DMD: variants seen among roughly 807,000 people sequenced by gnomAD.
DMD encodes the protein mutant dystrophin.
DMD carries 63 observed loss-of-function variants against 330.1 expected under a neutral mutation model. The ratio of observed to expected loss-of-function variants is 0.19; its 90% CI spans 0.16 to 0.24. The LOEUF is 0.24. Among genes scored for constraint, DMD ranks in the 10% least tolerant of loss-of-function variants. The probability of loss-of-function intolerance (pLI) is 1.00; values close to 1 mark genes in which losing one functional copy is unlikely to be tolerated. For missense variants in DMD, 3,344 were observed against 2,684.1 expected, an observed-to-expected ratio of 1.25 and a Z score of -5.43; for synonymous variants, 1,223 against 959.8, an observed-to-expected ratio of 1.27 and a Z score of -5.07.
intron 26 of DMD, among the ~76,000 whole-genome samples, chrX:32,450,509 A>G (rs1479636370): frequency 9.0e-6 from 1 of 110,863 alleles, no homozygotes; most frequent in African/African-American, 3.3e-5. Context: ...AAGTTTGATT[A>G]CCATTCATCA....
At chrX:32,067,411 A>G (rs1056376649) in intron 44 of DMD, among the ~76,000 whole-genome samples, 8 of 110,627 alleles carry the variant, frequency 7.2e-5, no homozygotes, top group Admixed American at 4.8e-4. Context: ...ACCTGGATAT[A>G]TGGCGTGATG....
intron 2 of DMD, among the ~76,000 whole-genome samples, chrX:32,874,405 T>C (rs1037597200): frequency 3.6e-5 from 4 of 111,638 alleles, no homozygotes; most frequent in African/African-American, 1.3e-4. Flanking sequence ...CCTGCCAAGA[T>C]GCATCTCTTT....
At chrX:31,593,080 G>C (rs1329919510) in intron 55 of DMD, among the ~76,000 whole-genome samples, 1 of 110,584 alleles carries the variant, frequency 9.0e-6, no homozygotes, top group Non-Finnish European at 1.9e-5. Context: ...ATATATAAAG[G>C]GTTGAAGAAG....
intron 43 of DMD, among the ~76,000 whole-genome samples, chrX:32,237,383 C>A (rs1055251489): frequency 9.1e-6 from 1 of 110,383 alleles, no homozygotes; most frequent in African/African-American, 3.3e-5. Flanking sequence ...AACAAAATTC[C>A]TGGAGCACTA....
chrX:31,956,872 G>T (rs187410084), intron 45 of DMD, among the ~76,000 whole-genome samples: 1 of 112,313 alleles, frequency 8.9e-6, no homozygotes, highest in Admixed American at 9.4e-5. Context: ...TGATTATGTC[G>T]AACAAAATCC....
At chrX:32,834,857 T>A (rs1261042290) in intron 4 of DMD, among the ~76,000 whole-genome samples, 1 of 111,491 alleles carries the variant, frequency 9.0e-6, no homozygotes, top group African/African-American at 3.2e-5. Flanking sequence ...ACCTTTTGTA[T>A]GAATCTTTAT....
intron 50 of DMD, among the ~76,000 whole-genome samples, chrX:31,780,076 T>G (rs750154408): frequency 9.0e-6 from 1 of 111,610 alleles, no homozygotes; most frequent in Non-Finnish European, 1.9e-5. Flanking sequence ...ATTTAATTGG[T>G]TTCAGGGGTA....
At chrX:31,142,024 C>T (rs1602105228) in intron 76 of DMD, among the ~76,000 whole-genome samples, 1 of 111,473 alleles carries the variant, frequency 9.0e-6, no homozygotes. Flanking sequence ...ACATCTAGCC[C>T]GACCTCTTCT....
At chrX:31,328,967 T>A (rs769734816) in intron 61 of DMD, among the ~76,000 whole-genome samples, 1 of 112,317 alleles carries the variant, frequency 8.9e-6, no homozygotes, top group South Asian at 3.7e-4. Context: ...TCTAACTGCC[T>A]GGGCTTATGG....
At chrX:32,959,995 ACTT>A (rs751821678) in intron 2 of DMD, among the ~76,000 whole-genome samples, 30 of 111,585 alleles carry the variant, frequency 2.7e-4, no homozygotes, top group African/African-American at 8.1e-4. Context: ...TGTCTAGAAA[ACTT>A]CTTAACTGCC....
At chrX:32,280,533 T>C (rs1035641605) in intron 43 of DMD, among the ~76,000 whole-genome samples, 17 of 111,253 alleles carry the variant, frequency 1.5e-4, no homozygotes, top group African/African-American at 4.9e-4. Flanking sequence ...TCAAATATGG[T>C]AGAGATTAAT....
chrX:31,822,594 C>T (rs1388245479), intron 49 of DMD, among the ~76,000 whole-genome samples: 1 of 103,876 alleles, frequency 9.6e-6, no homozygotes, highest in Non-Finnish European at 1.9e-5. Flanking sequence ...AACATGGTAA[C>T]TGGAGTGGGA....
At chrX:32,843,849 C>T (rs2080389298) in intron 4 of DMD, among the ~76,000 whole-genome samples, 1 of 111,604 alleles carries the variant, frequency 9.0e-6, no homozygotes, top group South Asian at 3.8e-4. Flanking sequence ...CTCTGACCTG[C>T]CTACTTGGTT....
At chrX:31,165,847 A>ATT (rs1384799751) in intron 74 of DMD, among the ~76,000 whole-genome samples, 1 of 111,990 alleles carries the variant, frequency 8.9e-6, no homozygotes, top group African/African-American at 3.2e-5. Flanking sequence ...CACTATGGGA[A>ATT]AAACTCAGTC....
At position 33,173,761 on chromosome X, in the gene DMD, G is replaced by T. The variant is rs186591913; in HGVS notation, c.31+37521C>A. On this transcript the variant is annotated intron_variant, in intron 1 of 78. Coordinates refer to ENST00000357033, the MANE Select transcript of DMD (RefSeq NM_004006.3). Reference sequence around the variant, plus strand: ...GAATAAAGAAAAAGTTAAGATTTATGATAGTCTATTTATGTTTCTGTTATT... The same window carrying T: ...GAATAAAGAAAAAGTTAAGATTTATTATAGTCTATTTATGTTTCTGTTATT... Among the ~76,000 whole-genome samples the T allele has an allele frequency of 1.9e-3, 205 of 110,574 alleles. 1 individual carries two copies. The highest frequency in any genetic ancestry group is 6.5e-3 in the African/African-American group (199 of 30,546).
At chrX:32,725,869 G>C (rs191401821) in intron 7 of DMD, among the ~76,000 whole-genome samples, 1 of 111,076 alleles carries the variant, frequency 9.0e-6, no homozygotes, top group Non-Finnish European at 1.9e-5. Flanking sequence ...AAATGCTTGA[G>C]TGGATGGATA....
At chrX:32,574,705 C>T (rs1282498033) in intron 13 of DMD, among the ~76,000 whole-genome samples, 5 of 110,708 alleles carry the variant, frequency 4.5e-5, no homozygotes, top group Admixed American at 9.7e-5. Flanking sequence ...AAAATATTGA[C>T]GTGCTTTATT....
intron 23 of DMD, among the ~76,000 whole-genome samples, chrX:32,466,002 T>G (rs1170252232): frequency 1.8e-5 from 2 of 111,426 alleles, no homozygotes; most frequent in Admixed American, 9.6e-5. Context: ...TCCTCCTTCC[T>G]CTCATCTTGG....
intron 7 of DMD, among the ~76,000 whole-genome samples, chrX:32,720,339 T>A (rs1352360144): frequency 8.9e-6 from 1 of 111,923 alleles, no homozygotes; most frequent in Non-Finnish European, 1.9e-5. Context: ...CCAAAATTGG[T>A]CACAGATGGA....
Sources: allele counts gnomAD v4.1 joint callset (sites outside exome capture counted in the v4.1 genomes callset), GRCh38; gene constraint gnomAD v4.1.1; transcripts MANE v1.5; gene names NCBI Gene and HGNC (gene_info 2026-07-23, HGNC 2026-07-21).